Variants in PKD2L1 observed in about 807,000 individuals in gnomAD.
PKD2L1 encodes polycystin 2 like 1, transient receptor potential cation channel.
PKD2L1 carries 77 observed loss-of-function variants against 93.0 expected under a neutral mutation model. That is an observed-to-expected ratio of 0.83 (90% CI 0.69 to 1.00). The LOEUF (loss-of-function observed/expected upper bound fraction) is 1.00, where lower values mean the gene tolerates loss of function less well. Among genes scored for constraint, PKD2L1 ranks in the 50% least tolerant of loss-of-function variants. The probability of loss-of-function intolerance (pLI) is 0.00; values close to 1 mark genes in which losing one functional copy is unlikely to be tolerated. For missense variants in PKD2L1, 977 were observed against 990.9 expected, an observed-to-expected ratio of 0.99 and a Z score of 0.19; for synonymous variants, 390 against 388.0, an observed-to-expected ratio of 1.01 and a Z score of -0.06.
In PKD2L1 at chr10:100,298,784, T is replaced by G. The variant is rs1261035472; in HGVS notation, c.509A>C (p.Tyr170Ser). 6.2e-7 allele frequency: 1 copy of G among 1,613,444 alleles called. No individual in the cohort carries two copies. Among genetic ancestry groups the G allele is most frequent in the Non-Finnish European group, 8.5e-7 (1 of 1,179,972 alleles). The change falls in exon 4 of 16, where the codon TAT becomes TCT. Residue 170 changes from tyrosine (Y) to serine (S), a missense_variant. Coordinates refer to ENST00000318222, the MANE Select transcript of PKD2L1 (RefSeq NM_016112.3). ...CTGGTTGTTGTACCATTTGGTCCAA[T>G]ACAAACTGTCCAGTAGTGGGCCCTG... ...FAQGPLLDSL[Y>S]WTKWYNNQSL... is the part of the protein sequence containing the mutation.
intron 3 of PKD2L1, 122 bp downstream of exon 3, chr10:100,299,468 CT>C: frequency 1.1e-6 from 1 of 888,336 alleles, no homozygotes. Context: ...CAGCCTGGCC[CT>C]TTGACTCAGT....
At chr10:100,322,055 G>A (rs1258902390) in intron 2 of PKD2L1, among the ~76,000 whole-genome samples, 12 of 151,648 alleles carry the variant, frequency 7.9e-5, no homozygotes, top group South Asian at 4.2e-4. Context: ...GGGAAGCCCC[G>A]TCTCTATGAA....
intron 14 of PKD2L1, 127 bp downstream of exon 14, chr10:100,289,888 G>T: frequency 9.0e-7 from 1 of 1,111,518 alleles, no homozygotes; most frequent in Non-Finnish European, 1.3e-6. Context: ...TAACCGCTAT[G>T]AACATGTTTC....
At chr10:100,314,682 T>C (rs1338523842) in intron 2 of PKD2L1, among the ~76,000 whole-genome samples, 1 of 152,076 alleles carries the variant, frequency 6.6e-6, no homozygotes, top group East Asian at 1.9e-4. Flanking sequence ...ATCCTTCTAG[T>C]GTAAACCAAC....
chr10:100,303,580 C>G (rs538949549), intron 2 of PKD2L1, among the ~76,000 whole-genome samples: 2 of 152,322 alleles, frequency 1.3e-5, no homozygotes, highest in African/African-American at 4.8e-5. Flanking sequence ...TCTTCTCCCA[C>G]TTCCTCATCT....
chr10:100,309,564 A>T (rs1183003105), intron 2 of PKD2L1, among the ~76,000 whole-genome samples: 2 of 152,128 alleles, frequency 1.3e-5, no homozygotes, highest in East Asian at 3.8e-4. Context: ...ATCATCTCAC[A>T]TATGTTGGCA....
At chr10:100,299,527 T>C in intron 3 of PKD2L1, 64 bp downstream of exon 3, 1 of 1,473,664 alleles carries the variant, frequency 6.8e-7, no homozygotes, top group East Asian at 2.3e-5. Context: ...TGATCCGTTG[T>C]CTGACCTGTG....
Position 100,298,664 on chromosome 10 carries a change from C to G in PKD2L1, c.629G>C (p.Cys210Ser), listed in dbSNP as rs758990985. ...CTCCCGGAAGTCTTCATGCACCACA[C>G]AGGAGTCATTGCGGACCTTTAGCTG... ...LRQLKVRNDS[C>S]VVHEDFREDI... Residue 210 changes from cysteine to serine, a missense_variant, in exon 4 of 16, where the codon TGT becomes TCT. By Grantham distance (112) the Cys-to-Ser change is moderately radical. Coordinates refer to ENST00000318222, the MANE Select transcript of PKD2L1 (RefSeq NM_016112.3). 1 of 1,614,202 alleles carries G rather than the reference C, an allele frequency of 6.2e-7. No individual in the cohort carries two copies. The highest frequency in any genetic ancestry group is 2.2e-5 in the East Asian group (1 of 44,888).
At position 100,321,751 on chromosome 10, in the gene PKD2L1, GAAA is replaced by G. The variant is rs1564894517; in HGVS notation, c.349+7457_349+7459del. On this transcript the variant is annotated intron_variant, in intron 2 of 15. Coordinates refer to ENST00000318222, the MANE Select transcript of PKD2L1 (RefSeq NM_016112.3). The stretch of plus-strand genomic sequence containing the variant: ...AGAAAGAAAGAAAGAAAGAAAGAAA[GAAA>G]GAAGGGAGGGAGGGAGGGAGGGAGG... Among the ~76,000 whole-genome samples the G allele has an allele frequency of 1.1e-3, 8 of 6,970 alleles. 2 individuals are homozygous for G. The highest frequency in any genetic ancestry group is 3.0e-3 in the Admixed American group (2 of 656). The allele number at this position is 6,970 out of a possible 152,430, so 4.6% of individuals were successfully genotyped here.
At chr10:100,320,151 T>C (rs1649539103) in intron 2 of PKD2L1, among the ~76,000 whole-genome samples, 1 of 152,244 alleles carries the variant, frequency 6.6e-6, no homozygotes, top group Admixed American at 6.5e-5. Context: ...AACATTTCCC[T>C]AACCTGTGGA....
At chr10:100,308,428 A>C (rs979366231) in intron 2 of PKD2L1, among the ~76,000 whole-genome samples, 1 of 151,392 alleles carries the variant, frequency 6.6e-6, no homozygotes, top group Non-Finnish European at 1.5e-5. Context: ...TCTGCCTCCT[A>C]GGTTCAAGCA....
chr10:100,322,126 T>C (rs1849273308), intron 2 of PKD2L1, among the ~76,000 whole-genome samples: 1 of 151,732 alleles, frequency 6.6e-6, no homozygotes, highest in Non-Finnish European at 1.5e-5. Flanking sequence ...CTTTTAGGGC[T>C]GAGGTGGGAG....
At chr10:100,299,188 C>T (rs1198256706) in intron 3 of PKD2L1, among the ~76,000 whole-genome samples, 1 of 152,104 alleles carries the variant, frequency 6.6e-6, no homozygotes, top group Non-Finnish European at 1.5e-5. Context: ...AACAACTGAC[C>T]TCAGGTGATT....
chr10:100,293,310 C>T lies in PKD2L1; in HGVS notation c.1729G>A (p.Glu577Lys), dbSNP rs1295022780. Residue 577 changes from glutamate (E) to lysine (K), a missense_variant, in exon 10 of 16, where the codon GAG becomes AAG. Physicochemically the swap from Glu to Lys is moderately conservative, Grantham distance 56. Transcript: ENST00000318222. Reference sequence around the variant, plus strand: ...TTCAGGAGGTCAGAAAGTTGCAGCTCATCCTTCTGTCCAGCCAGCTCCTCC... The same window carrying T: ...TTCAGGAGGTCAGAAAGTTGCAGCTTATCCTTCTGTCCAGCCAGCTCCTCC... ...VKEELAGQKDELQLSDLLKQG... is the reference protein window; with the variant it reads ...VKEELAGQKDKLQLSDLLKQG... 1 of 1,613,172 alleles carries T rather than the reference C, an allele frequency of 6.2e-7. No homozygotes were observed. Among genetic ancestry groups the T allele is most frequent in the Non-Finnish European group, 8.5e-7 (1 of 1,179,104 alleles).
At chr10:100,329,768 CTCT>C (rs1360992408) in intron 1 of PKD2L1, 98 bp downstream of exon 1, 1 of 810,640 alleles carries the variant, frequency 1.2e-6, no homozygotes, top group African/African-American at 1.7e-5. Flanking sequence ...GAAAGGTCAC[CTCT>C]TCTTCAGATC....
chr10:100,295,648 G>C (rs1164211337), intron 7 of PKD2L1, among the ~76,000 whole-genome samples: 1 of 133,622 alleles, frequency 7.5e-6, no homozygotes, highest in Non-Finnish European at 1.6e-5. Context: ...CAGGAGAATT[G>C]CTTCAACCCG....
In PKD2L1 at chr10:100,294,517, C is replaced by T. The variant is rs1346987669; in HGVS notation, c.1659+18G>A. Reference sequence around the variant, plus strand: ...CCTGCAGGCTCTCTATGTCCCCACCCCTCAGAGAGACCCTCACCAGGAGCA... The same window carrying T: ...CCTGCAGGCTCTCTATGTCCCCACCTCTCAGAGAGACCCTCACCAGGAGCA... On this transcript the variant is annotated intron_variant, in intron 9 of 15. Transcript: ENST00000318222. The T allele has an allele frequency of 1.9e-6, 3 of 1,613,856 alleles. No homozygotes were observed. The African/African-American group carries it at 4.0e-5, about 22-fold the overall frequency.
At chr10:100,291,537 A>G in intron 11 of PKD2L1, 110 bp from the exon 12 acceptor site, 1 of 1,132,568 alleles carries the variant, frequency 8.8e-7, no homozygotes, top group Non-Finnish European at 1.3e-6. Context: ...CTTCTGGTAA[A>G]GAAGGTTCTC....
At chr10:100,311,689 G>A (rs1848937458) in intron 2 of PKD2L1, among the ~76,000 whole-genome samples, 1 of 152,142 alleles carries the variant, frequency 6.6e-6, no homozygotes, top group South Asian at 2.1e-4. Flanking sequence ...TATGTGATAT[G>A]TGATGGAACA....
Sources: gnomAD v4.1 joint callset for allele counts (sites outside exome capture counted in the v4.1 genomes callset) on GRCh38, gnomAD v4.1.1 for gene constraint, MANE v1.5 for transcripts, NCBI Gene and HGNC (gene_info 2026-07-23, HGNC 2026-07-21) for gene names.